The following EPHA6 variants were observed in gnomAD, a reference collection of about 807,000 sequenced individuals.
EPHA6 encodes the protein EPH receptor A6.
Under a neutral mutation model 112.0 loss-of-function variants are expected in EPHA6, and 50 were observed. The ratio of observed to expected loss-of-function variants is 0.45; its 90% CI spans 0.36 to 0.56. The LOEUF (loss-of-function observed/expected upper bound fraction) is 0.56. Ranked by LOEUF, EPHA6 falls within the 20% of genes least tolerant of loss-of-function variation. The pLI is 0.00. For missense variants in EPHA6, 1,280 were observed against 1,417.4 expected (o/e 0.90, Z 1.56); for synonymous variants, 529 against 490.7 (o/e 1.08, Z -1.03).
At chr3:97,481,239 T>G (rs2091534378) in intron 9 of EPHA6, 2 of 1,410,512 alleles carry the variant, frequency 1.4e-6, no homozygotes, top group African/African-American at 2.8e-5. Context: ...ATTTGGACTT[T>G]TAGATCACGT....
chr3:97,198,537 T>A (rs1015939193), intron 3 of EPHA6, among the ~76,000 whole-genome samples: 2 of 152,100 alleles, frequency 1.3e-5, no homozygotes, highest in African/African-American at 4.8e-5. Flanking sequence ...GCACTCTGGA[T>A]TGCTCAGCAG....
chr3:97,547,500 T>C (rs2092969660), intron 11 of EPHA6, among the ~76,000 whole-genome samples: 1 of 152,170 alleles, frequency 6.6e-6, no homozygotes, highest in African/African-American at 2.4e-5. Context: ...CCAGTTAGGC[T>C]ACTTGGGGGT....
intron 5 of EPHA6, among the ~76,000 whole-genome samples, chr3:97,326,384 G>A (rs1026034788): frequency 5.3e-5 from 8 of 150,576 alleles, no homozygotes; most frequent in Non-Finnish European, 1.0e-4. Context: ...TCTTCTTTTC[G>A]GCATACTGGA....
intron 11 of EPHA6, among the ~76,000 whole-genome samples, chr3:97,588,584 G>T (rs539975859): frequency 6.6e-6 from 1 of 152,226 alleles, no homozygotes; most frequent in African/African-American, 2.4e-5. Flanking sequence ...ATGTATGTGG[G>T]GGAATCTGCA....
intron 3 of EPHA6, among the ~76,000 whole-genome samples, chr3:97,188,660 T>A (rs967497099): frequency 2.0e-5 from 3 of 151,932 alleles, no homozygotes; most frequent in Non-Finnish European, 2.9e-5. Context: ...AAATAAAGAA[T>A]AAGTTATATA....
chr3:96,909,664 T>C (rs933317333), intron 2 of EPHA6, among the ~76,000 whole-genome samples: 1 of 151,984 alleles, frequency 6.6e-6, no homozygotes, highest in African/African-American at 2.4e-5. Context: ...ACTAAAGATA[T>C]TCAAAATAGT....
intron 1 of EPHA6, among the ~76,000 whole-genome samples, chr3:96,829,896 T>C (rs2107266343): frequency 6.6e-6 from 1 of 151,966 alleles, no homozygotes; most frequent in African/African-American, 2.4e-5. Flanking sequence ...CAGTTGTTTA[T>C]ATGCTGAGCT....
intron 1 of EPHA6, among the ~76,000 whole-genome samples, chr3:96,816,369 C>T (rs1332579330): frequency 2.6e-5 from 4 of 152,106 alleles, no homozygotes; most frequent in African/African-American, 9.7e-5. Context: ...TTACAGTGTC[C>T]TGTTTTGCTG....
At chr3:96,844,595 G>A (rs545735502) in intron 1 of EPHA6, among the ~76,000 whole-genome samples, 58 of 152,064 alleles carry the variant, frequency 3.8e-4, no homozygotes, top group East Asian at 9.7e-4. Flanking sequence ...TAGTATAGAC[G>A]TGTAGCATGG....
chr3:97,099,398 T>C (rs1406810845), intron 3 of EPHA6, among the ~76,000 whole-genome samples: 1 of 151,938 alleles, frequency 6.6e-6, no homozygotes, highest in Non-Finnish European at 1.5e-5. Context: ...TTGCATATAA[T>C]TTGTCTTTTG....
intron 3 of EPHA6, among the ~76,000 whole-genome samples, chr3:97,105,340 G>A (rs2047532369): frequency 6.6e-6 from 1 of 151,802 alleles, no homozygotes; most frequent in Non-Finnish European, 1.5e-5. Flanking sequence ...CAGAGATTCT[G>A]GTATGTTGTA....
At chr3:97,551,462 AT>A (rs1055334947) in intron 11 of EPHA6, among the ~76,000 whole-genome samples, 66 of 152,046 alleles carry the variant, frequency 4.3e-4, no homozygotes, top group Non-Finnish European at 7.5e-4. Flanking sequence ...GACATCAGTG[AT>A]TTTTTTTCTC....
chr3:97,677,894 G>A (rs532110158), intron 14 of EPHA6, among the ~76,000 whole-genome samples: 20 of 152,178 alleles, frequency 1.3e-4, no homozygotes, highest in African/African-American at 4.8e-4. Flanking sequence ...TAATTAAACA[G>A]GAATGTTATT....
At chr3:96,882,528 C>G (rs372027898) in intron 2 of EPHA6, among the ~76,000 whole-genome samples, 224 of 152,162 alleles carry the variant, frequency 1.5e-3, no homozygotes, top group Middle Eastern at 6.8e-3. Flanking sequence ...CCATTCCCCC[C>G]AAGTCCCCAA....
chr3:97,204,899 A>G (rs1386706731), intron 3 of EPHA6, among the ~76,000 whole-genome samples: 1 of 152,130 alleles, frequency 6.6e-6, no homozygotes, highest in Non-Finnish European at 1.5e-5. Flanking sequence ...AATTTAGAAG[A>G]TATGATCTTC....
chr3:97,642,000 CAAA>C lies in EPHA6; in HGVS notation c.2784+3921_2784+3923del, dbSNP rs565818833. The stretch of plus-strand genomic sequence containing the variant: ...CCTCTGGTGTCAGGGCACAGACAAA[CAAA>C]AAGACAGCAGTAACCTCTGCAGACT... On this transcript the variant is annotated intron_variant, in intron 14 of 17. Transcript: ENST00000389672. Among the ~76,000 whole-genome samples, 27 of 149,040 alleles carry C rather than the reference CAAA, an allele frequency of 1.8e-4. 1 individual carries two copies. The East Asian group carries it at 3.8e-3, about 21-fold the overall frequency.
chr3:97,038,273 T>A (rs539691335), intron 3 of EPHA6, among the ~76,000 whole-genome samples: 1 of 151,850 alleles, frequency 6.6e-6, no homozygotes, highest in African/African-American at 2.4e-5. Context: ...TCACAGTGTT[T>A]GTTGTTGCAG....
At chr3:97,283,568 G>A (rs1409116709) in intron 5 of EPHA6, among the ~76,000 whole-genome samples, 1 of 151,858 alleles carries the variant, frequency 6.6e-6, no homozygotes, top group Non-Finnish European at 1.5e-5. Context: ...ATTAAATGTT[G>A]CTAAACAGTC....
intron 2 of EPHA6, among the ~76,000 whole-genome samples, chr3:96,906,713 A>C (rs2038954086): frequency 6.6e-6 from 1 of 152,012 alleles, no homozygotes; most frequent in South Asian, 2.1e-4. Context: ...ATCCCATAGT[A>C]GGTGGCTTAG....
Sources: allele counts gnomAD v4.1 joint callset (sites outside exome capture counted in the v4.1 genomes callset), GRCh38; gene constraint gnomAD v4.1.1; transcripts MANE v1.5; gene names NCBI Gene and HGNC (gene_info 2026-07-23, HGNC 2026-07-21).